The following KCTD16 variants were observed in gnomAD, a reference collection of about 807,000 sequenced individuals.
KCTD16 encodes potassium channel tetramerization domain containing 16.
In KCTD16, 13 loss-of-function variants were observed where a neutral mutation model predicts 33.2. The ratio of observed to expected loss-of-function variants is 0.39; its 90% CI spans 0.25 to 0.62. The LOEUF (loss-of-function observed/expected upper bound fraction) is 0.62, where lower values mean the gene tolerates loss of function less well. KCTD16 is among the 20% of genes least tolerant of loss of function. The pLI, the probability that KCTD16 is intolerant of heterozygous loss-of-function variation, is 0.50. For missense variants in KCTD16, 441 were observed against 525.1 expected (o/e 0.84, Z 1.57); for synonymous variants, 197 against 195.3 (o/e 1.01, Z -0.07).
intron 3 of KCTD16, among the ~76,000 whole-genome samples, chr5:144,428,697 T>C (rs1753390807): frequency 6.6e-6 from 1 of 152,176 alleles, no homozygotes; most frequent in African/African-American, 2.4e-5. Context: ...GGGAAGTAAG[T>C]CCAGGAAGCT....
intron 3 of KCTD16, among the ~76,000 whole-genome samples, chr5:144,215,932 T>G (rs1753550097): frequency 6.6e-6 from 1 of 152,246 alleles, no homozygotes; most frequent in Admixed American, 6.5e-5. Flanking sequence ...GAATCTGAGA[T>G]AAACCCCTTA....
At chr5:144,419,572 G>A (rs1753162610) in intron 3 of KCTD16, among the ~76,000 whole-genome samples, 1 of 152,140 alleles carries the variant, frequency 6.6e-6, no homozygotes, top group South Asian at 2.1e-4. Context: ...GGGCAATCAT[G>A]AAGGCTGGGG....
At chr5:144,400,343 G>T (rs13179642) in intron 3 of KCTD16, among the ~76,000 whole-genome samples, 1 of 152,162 alleles carries the variant, frequency 6.6e-6, no homozygotes, top group Non-Finnish European at 1.5e-5. Context: ...GGAGGAAGGA[G>T]GTGGTTAGCT....
In KCTD16 at chr5:144,475,565, A is replaced by G. The variant is rs1239595003; in HGVS notation, c.*1451A>G. 1 of 152,650 alleles carries G rather than the reference A, an allele frequency of 6.6e-6. No individual in the cohort carries two copies. The highest frequency in any genetic ancestry group is 6.5e-5 in the Admixed American group (1 of 15,272). 9.5% of individuals were successfully genotyped at this position (152,650 alleles called of 1,614,324 possible). On this transcript the variant is annotated 3_prime_UTR_variant, in exon 4 of 4. Coordinates refer to ENST00000512467, the MANE Select transcript of KCTD16 (RefSeq NM_020768.4). The stretch of plus-strand genomic sequence containing the variant: ...ACTTGTGCTACAAGAAGGTTAAAAG[A>G]CCAGTTTTATTTTCAGCATTCCTCA...
chr5:144,324,965 A>G (rs1752166409), intron 3 of KCTD16, among the ~76,000 whole-genome samples: 1 of 152,174 alleles, frequency 6.6e-6, no homozygotes, highest in Non-Finnish European at 1.5e-5. Context: ...AAAATAGCTA[A>G]TGCATGCTGG....
At chr5:144,408,777 A>G (rs1242540338) in intron 3 of KCTD16, among the ~76,000 whole-genome samples, 1 of 152,050 alleles carries the variant, frequency 6.6e-6, no homozygotes, top group Non-Finnish European at 1.5e-5. Flanking sequence ...TTTGCTCCCT[A>G]TACTCCTGTT....
chr5:144,296,151 G>C (rs1224181114), intron 3 of KCTD16, among the ~76,000 whole-genome samples: 1 of 152,102 alleles, frequency 6.6e-6, no homozygotes, highest in African/African-American at 2.4e-5. Context: ...CTTCTCTACA[G>C]AACAGTTACA....
chr5:144,194,676 G>T (rs1752908274), intron 2 of KCTD16, among the ~76,000 whole-genome samples: 1 of 152,142 alleles, frequency 6.6e-6, no homozygotes, highest in South Asian at 2.1e-4. Context: ...AACTCTGTAT[G>T]GGAAGTACAA....
At chr5:144,303,124 C>T (rs1470339392) in intron 3 of KCTD16, among the ~76,000 whole-genome samples, 1 of 152,136 alleles carries the variant, frequency 6.6e-6, no homozygotes, top group Non-Finnish European at 1.5e-5. Context: ...GGTTTGCTGG[C>T]CATTAGCAAT....
chr5:144,435,162 T>C (rs1298459684), intron 3 of KCTD16, among the ~76,000 whole-genome samples: 2 of 152,198 alleles, frequency 1.3e-5, no homozygotes, highest in Non-Finnish European at 2.9e-5. Flanking sequence ...GTGGATTATA[T>C]TTTAAAAGCC....
intron 3 of KCTD16, among the ~76,000 whole-genome samples, chr5:144,267,424 G>A (rs77752247): frequency 5.8e-4 from 89 of 152,252 alleles, no homozygotes; most frequent in African/African-American, 2.1e-3. Context: ...TTAAAATGCT[G>A]GTTGTTCTTA....
At chr5:144,466,284 C>T (rs928159614) in intron 3 of KCTD16, among the ~76,000 whole-genome samples, 2 of 145,108 alleles carry the variant, frequency 1.4e-5, no homozygotes, top group South Asian at 2.2e-4. Context: ...ACACTTCACA[C>T]ACTGGTGATT....
chr5:144,254,068 A>G (rs982198443), intron 3 of KCTD16, among the ~76,000 whole-genome samples: 1 of 152,110 alleles, frequency 6.6e-6, no homozygotes, highest in South Asian at 2.1e-4. Flanking sequence ...TGACCCGTGT[A>G]TCTAAGGCCT....
intron 2 of KCTD16, among the ~76,000 whole-genome samples, chr5:144,186,958 A>G (rs1207606574): frequency 6.6e-6 from 1 of 152,172 alleles, no homozygotes; most frequent in Admixed American, 6.5e-5. Flanking sequence ...AACAAAAATA[A>G]TAATGATCCC....
intron 3 of KCTD16, among the ~76,000 whole-genome samples, chr5:144,301,369 T>C (rs763259302): frequency 6.6e-6 from 1 of 151,936 alleles, no homozygotes; most frequent in Non-Finnish European, 1.5e-5. Context: ...AGAGATTGAA[T>C]TGAGTAAGAC....
At chr5:144,211,118 C>A (rs1753378091) in intron 3 of KCTD16, among the ~76,000 whole-genome samples, 1 of 151,830 alleles carries the variant, frequency 6.6e-6, no homozygotes, top group Admixed American at 6.6e-5. Context: ...TATATATCTT[C>A]AGGATTATTG....
intron 3 of KCTD16, among the ~76,000 whole-genome samples, chr5:144,409,328 G>T (rs1157556922): frequency 6.6e-6 from 1 of 152,102 alleles, no homozygotes; most frequent in Admixed American, 6.5e-5. Context: ...TAAAAAACTT[G>T]CCACAAAAGC....
chr5:144,239,422 T>A (rs916246779), intron 3 of KCTD16, among the ~76,000 whole-genome samples: 1 of 152,172 alleles, frequency 6.6e-6, no homozygotes, highest in Admixed American at 6.6e-5. Flanking sequence ...CCACATTACA[T>A]AGGCCCCAGA....
At chr5:144,411,837 C>CA (rs1246757391) in intron 3 of KCTD16, among the ~76,000 whole-genome samples, 2 of 151,466 alleles carry the variant, frequency 1.3e-5, no homozygotes, top group Non-Finnish European at 2.9e-5. Flanking sequence ...AACTCAATAG[C>CA]AAAAATAAAA....
Sources: gnomAD v4.1 joint callset for allele counts (sites outside exome capture counted in the v4.1 genomes callset) on GRCh38, gnomAD v4.1.1 for gene constraint, MANE v1.5 for transcripts, NCBI Gene and HGNC (gene_info 2026-07-23, HGNC 2026-07-21) for gene names.